Variants in SLC9A9 observed in about 807,000 individuals in gnomAD.
The protein encoded by SLC9A9 is sodium/hydrogen exchanger 9.
Under a neutral mutation model 77.8 loss-of-function variants are expected in SLC9A9, and 62 were observed. The ratio of observed to expected loss-of-function variants is 0.80; its 90% CI spans 0.65 to 0.98. The LOEUF is 0.98. SLC9A9 is among the 50% of genes least tolerant of loss of function. The pLI is 0.00. For synonymous variants in SLC9A9, 320 were observed against 283.5 expected, an observed-to-expected ratio of 1.13 and a Z score of -1.29; for missense variants, 775 against 774.9, an observed-to-expected ratio of 1.00 and a Z score of 0.00.
intron 12 of SLC9A9, among the ~76,000 whole-genome samples, chr3:143,444,681 T>C (rs1032978339): frequency 2.6e-5 from 4 of 152,166 alleles, no homozygotes; most frequent in Admixed American, 2.6e-4. Flanking sequence ...TCCTACCCCA[T>C]CAGCTTGGGC....
At chr3:143,496,551 A>C (rs184244987) in intron 9 of SLC9A9, among the ~76,000 whole-genome samples, 1 of 152,346 alleles carries the variant, frequency 6.6e-6, no homozygotes. Context: ...CAGTAATAGA[A>C]AGAAAGGATT....
intron 9 of SLC9A9, among the ~76,000 whole-genome samples, chr3:143,502,271 G>T (rs565970240): frequency 1.4e-5 from 2 of 146,138 alleles, no homozygotes; most frequent in Non-Finnish European, 2.9e-5. Flanking sequence ...CAAGGGGCAG[G>T]GGGGAAGCAA....
intron 9 of SLC9A9, among the ~76,000 whole-genome samples, chr3:143,498,279 T>C (rs1302339595): frequency 1.3e-5 from 2 of 152,224 alleles, no homozygotes; most frequent in African/African-American, 4.8e-5. Context: ...ATTATAATAT[T>C]TCATAGTCTA....
intron 14 of SLC9A9, among the ~76,000 whole-genome samples, chr3:143,298,086 A>G (rs903621928): frequency 3.3e-5 from 5 of 152,254 alleles, no homozygotes; most frequent in Admixed American, 3.3e-4. Flanking sequence ...TATTGCATGA[A>G]TGAGAAAGGC....
At chr3:143,333,398 C>G (rs1286102992) in intron 14 of SLC9A9, among the ~76,000 whole-genome samples, 1 of 152,196 alleles carries the variant, frequency 6.6e-6, no homozygotes, top group East Asian at 1.9e-4. Context: ...AAGCAGAAAA[C>G]TAGTACTAGC....
intron 6 of SLC9A9, among the ~76,000 whole-genome samples, chr3:143,592,418 A>G (rs4839603): frequency 0.22 from 33,092 of 152,148 alleles, 3,617 homozygotes; most frequent in Middle Eastern, 0.32. Flanking sequence ...AAGTGCCTTG[A>G]TAATGGAAGA....
chr3:143,291,241 C>A (rs1293665377), intron 14 of SLC9A9, among the ~76,000 whole-genome samples: 1 of 152,214 alleles, frequency 6.6e-6, no homozygotes, highest in Non-Finnish European at 1.5e-5. Context: ...TCTGTCCCCA[C>A]CTTCCCAGTG....
intron 12 of SLC9A9, among the ~76,000 whole-genome samples, chr3:143,433,311 C>T (rs759072274): frequency 6.6e-5 from 10 of 152,094 alleles, no homozygotes; most frequent in Non-Finnish European, 1.0e-4. Context: ...GGGAATTTAT[C>T]CCACAAACAG....
At chr3:143,590,171 G>A (rs2037622775) in intron 6 of SLC9A9, among the ~76,000 whole-genome samples, 1 of 152,144 alleles carries the variant, frequency 6.6e-6, no homozygotes, top group Non-Finnish European at 1.5e-5. Context: ...TCCAAGTGGT[G>A]ACTACTGTCT....
chr3:143,737,410 A>G lies in SLC9A9; in HGVS notation c.534-44103T>C, dbSNP rs553954538. Among the ~76,000 whole-genome samples, 9 of 152,120 alleles carry G rather than the reference A, an allele frequency of 5.9e-5. No individual in the cohort carries two copies. The South Asian group carries it at 1.9e-3, about 32-fold the overall frequency. ...CAGGTAGAATAATTAAGATTGAATC[A>G]TAGAAATAAAGGCTTGATTCAGAAT... is the stretch of plus-strand genomic sequence containing the variant. On this transcript the variant is annotated intron_variant, in intron 4 of 15. Coordinates refer to ENST00000316549, the MANE Select transcript of SLC9A9 (RefSeq NM_173653.4).
At chr3:143,275,621 C>T in intron 14 of SLC9A9, among the ~76,000 whole-genome samples, 1 of 152,102 alleles carries the variant, frequency 6.6e-6, no homozygotes, top group East Asian at 1.9e-4. Flanking sequence ...CCTATTCCTT[C>T]TAATTTAGAC....
chr3:143,387,270 G>A (rs1313883002), intron 12 of SLC9A9, among the ~76,000 whole-genome samples: 1 of 152,028 alleles, frequency 6.6e-6, no homozygotes, highest in Non-Finnish European at 1.5e-5. Context: ...AGCAAGAAAA[G>A]AAAAGGAAGG....
chr3:143,351,612 G>A (rs186891875), intron 14 of SLC9A9, among the ~76,000 whole-genome samples: 150 of 152,288 alleles, frequency 9.8e-4, no homozygotes, highest in African/African-American at 3.5e-3. Context: ...ATTTGTAGAA[G>A]CCAAAGATTG....
chr3:143,288,047 T>G (rs1262384522), intron 14 of SLC9A9, among the ~76,000 whole-genome samples: 2 of 152,206 alleles, frequency 1.3e-5, no homozygotes, highest in Non-Finnish European at 2.9e-5. Context: ...TGTGGAGAAC[T>G]GGTCATTGCT....
chr3:143,707,019 G>A (rs768238022), intron 4 of SLC9A9, among the ~76,000 whole-genome samples: 15 of 152,136 alleles, frequency 9.9e-5, no homozygotes, highest in Non-Finnish European at 2.2e-4. Context: ...AAGATGGAGA[G>A]CAATGCAGGG....
chr3:143,624,414 A>T (rs2038278448), intron 6 of SLC9A9, among the ~76,000 whole-genome samples: 1 of 152,230 alleles, frequency 6.6e-6, no homozygotes, highest in Non-Finnish European at 1.5e-5. Flanking sequence ...AAGCTTATTC[A>T]CCATGATCAA....
At chr3:143,480,485 C>T (rs1457064989) in intron 11 of SLC9A9, among the ~76,000 whole-genome samples, 1 of 152,194 alleles carries the variant, frequency 6.6e-6, no homozygotes, top group South Asian at 2.1e-4. Context: ...ATTCATTATC[C>T]GAGATGACTT....
At chr3:143,433,279 G>A (rs988385520) in intron 12 of SLC9A9, among the ~76,000 whole-genome samples, 13 of 152,298 alleles carry the variant, frequency 8.5e-5, no homozygotes, top group African/African-American at 3.1e-4. Flanking sequence ...TTTTAAAAGA[G>A]ATGGTTGCTG....
chr3:143,762,756 T>C (rs2007176661), intron 4 of SLC9A9, among the ~76,000 whole-genome samples: 1 of 151,992 alleles, frequency 6.6e-6, no homozygotes, highest in Non-Finnish European at 1.5e-5. Context: ...AGAACAAGAG[T>C]CCCACAATAT....
Sources: allele counts gnomAD v4.1 joint callset (sites outside exome capture counted in the v4.1 genomes callset), GRCh38; gene constraint gnomAD v4.1.1; transcripts MANE v1.5; gene names NCBI Gene and HGNC (gene_info 2026-07-23, HGNC 2026-07-21).